The following NOL4L variants were observed in gnomAD, a reference collection of about 807,000 sequenced individuals.
NOL4L encodes nucleolar protein 4 like, also known as nucleolar protein 4-like.
A neutral mutation model predicts 64.5 loss-of-function variants in NOL4L; 7 were observed. That is an observed-to-expected ratio of 0.11 (90% CI 0.06 to 0.20). The LOEUF (loss-of-function observed/expected upper bound fraction) is 0.20. Ranked by LOEUF, NOL4L falls within the 10% of genes least tolerant of loss-of-function variation. The pLI, the probability that NOL4L is intolerant of heterozygous loss-of-function variation, is 1.00. For missense variants in NOL4L, 680 were observed against 967.1 expected, an observed-to-expected ratio of 0.70 and a Z score of 3.94; for synonymous variants, 413 against 401.0, an observed-to-expected ratio of 1.03 and a Z score of -0.36.
At chr20:32,554,520 T>A (rs1429110165) in intron 1 of NOL4L, among the ~76,000 whole-genome samples, 1 of 151,904 alleles carries the variant, frequency 6.6e-6, no homozygotes, top group Non-Finnish European at 1.5e-5. Context: ...AAGGACAATG[T>A]TGTGTGGGGG....
In NOL4L at chr20:32,456,155, C is replaced by T. The variant is rs184584122; in HGVS notation, c.1082G>A (p.Arg361Gln). The T allele has an allele frequency of 2.2e-5, 34 of 1,567,948 alleles. No homozygotes were observed. In the East Asian group the frequency reaches 2.6e-4, roughly 12 times the overall value. The change falls in exon 6 of 11, where the codon CGG becomes CAG. Residue 361 changes from arginine to glutamine, a missense_variant. Physicochemically the swap from Arg to Gln is conservative, Grantham distance 43. Coordinates refer to ENST00000621426, the MANE Select transcript of NOL4L (RefSeq NM_001256798.2). The part of the protein sequence containing the change: ...PSDGCGADGL[R>Q]SRVKYGVKTT... ...CTTCACCCCGTATTTGACGCGGCTC[C>T]GCAGCCCGTCGGCACCGCAGCCATC... is the stretch of plus-strand genomic sequence containing the variant.
intron 3 of NOL4L, among the ~76,000 whole-genome samples, chr20:32,513,032 C>T (rs1027520793): frequency 6.6e-6 from 1 of 152,214 alleles, no homozygotes. Context: ...TGTTACCTGG[C>T]CTCCTCCTCC....
rs1980815770 is a variant in NOL4L, at chr20:32,585,312, T to C, written c.-422A>G. ...GCGGGCGGCAGCAGTGGCTGTCAGC[T>C]TGCGCGGCTCATCCTGCTCTTGCTC... is the stretch of plus-strand genomic sequence containing the variant. On this transcript the variant is annotated 5_prime_UTR_variant, in exon 1 of 11. Transcript: ENST00000621426. Among the ~76,000 whole-genome samples the C allele has an allele frequency of 6.7e-6, 1 of 148,796 alleles. No individual in the cohort carries two copies. Among genetic ancestry groups the C allele is most frequent in the African/African-American group, 2.4e-5 (1 of 40,948 alleles).
At chr20:32,465,088 C>A in intron 5 of NOL4L, 1 of 574,602 alleles carries the variant, frequency 1.7e-6, no homozygotes. Flanking sequence ...ATGTTCAGGC[C>A]TTGGGACAGG....
At chr20:32,537,055 T>C in intron 1 of NOL4L, 1 of 981,310 alleles carries the variant, frequency 1.0e-6, no homozygotes, top group African/African-American at 1.8e-5. Context: ...GCACCTGCCC[T>C]GCCCCGCCCC....
chr20:32,503,332 A>G (rs896856980), intron 4 of NOL4L, among the ~76,000 whole-genome samples: 1 of 152,200 alleles, frequency 6.6e-6, no homozygotes, highest in African/African-American at 2.4e-5. Context: ...CAGCTCAGCT[A>G]CACAACAAGA....
chr20:32,465,961 G>A (rs2014510902), intron 5 of NOL4L, among the ~76,000 whole-genome samples: 1 of 151,564 alleles, frequency 6.6e-6, no homozygotes. Context: ...ACTGGGCCAG[G>A]CTCACCTTCA....
intron 1 of NOL4L, chr20:32,537,186 CACAG>C (rs1338519604): frequency 2.3e-6 from 2 of 887,720 alleles, no homozygotes; most frequent in Non-Finnish European, 2.7e-6. Flanking sequence ...CCGTAGTCCT[CACAG>C]ACCCTCCGCG....
chr20:32,496,476 C>T (rs1027559500), intron 4 of NOL4L, among the ~76,000 whole-genome samples: 4 of 152,118 alleles, frequency 2.6e-5, no homozygotes, highest in African/African-American at 4.8e-5. Flanking sequence ...TGGTATCTTC[C>T]GTGCTTGGAA....
intron 1 of NOL4L, among the ~76,000 whole-genome samples, chr20:32,541,006 C>T (rs1285971259): frequency 3.4e-5 from 4 of 119,110 alleles, no homozygotes; most frequent in Non-Finnish European, 6.8e-5. Context: ...CTCGCCACCC[C>T]CTACACACAC....
At chr20:32,528,286 G>A (rs992054174) in intron 1 of NOL4L, among the ~76,000 whole-genome samples, 3 of 152,164 alleles carry the variant, frequency 2.0e-5, no homozygotes, top group Admixed American at 6.5e-5. Flanking sequence ...AAATAGATGC[G>A]GCCCCATCAG....
At chr20:32,471,811 C>CCTCCCTCTCTCTTG (rs2015041353) in intron 5 of NOL4L, among the ~76,000 whole-genome samples, 1 of 152,004 alleles carries the variant, frequency 6.6e-6, no homozygotes, top group Non-Finnish European at 1.5e-5. Flanking sequence ...CCTGGTACCT[C>CCTCCCTCTCTCTTG]CTCCCTCTCT....
At chr20:32,494,450 TCTTCCTCCCCA>T (rs1232229746) in intron 4 of NOL4L, among the ~76,000 whole-genome samples, 1 of 151,948 alleles carries the variant, frequency 6.6e-6, no homozygotes, top group African/African-American at 2.4e-5. Flanking sequence ...TCTCCTCTCT[TCTTCCTCCCCA>T]CTTTCCCCGT....
intron 5 of NOL4L, among the ~76,000 whole-genome samples, chr20:32,469,748 G>A (rs1387860139): frequency 1.3e-5 from 2 of 152,208 alleles, no homozygotes; most frequent in Non-Finnish European, 2.9e-5. Flanking sequence ...ACAAAGATGT[G>A]GCTCCTGCCC....
intron 1 of NOL4L, chr20:32,564,857 C>T (rs1200605906): frequency 6.6e-6 from 1 of 152,312 alleles, no homozygotes; most frequent in Non-Finnish European, 1.5e-5. Context: ...TGAGATGAGG[C>T]TCAGGCTGCA....
intron 1 of NOL4L, among the ~76,000 whole-genome samples, chr20:32,574,285 C>G (rs527913368): frequency 6.6e-6 from 1 of 152,342 alleles, no homozygotes; most frequent in East Asian, 1.9e-4. Context: ...ACGAGTTAAA[C>G]ATTTCACATG....
chr20:32,486,927 C>G (rs1429327722), intron 4 of NOL4L: 1 of 355,052 alleles, frequency 2.8e-6, no homozygotes, highest in East Asian at 7.9e-5. Flanking sequence ...GTCTTGGACT[C>G]TACAAAACAT....
chr20:32,548,129 T>A (rs1406252749), intron 1 of NOL4L, among the ~76,000 whole-genome samples: 1 of 152,202 alleles, frequency 6.6e-6, no homozygotes, highest in African/African-American at 2.4e-5. Context: ...GTTTTACAGA[T>A]GAGGAAACTT....
In NOL4L at chr20:32,464,372, A is replaced by T. The variant is rs1287352052; in HGVS notation, c.842-7977T>A. Among the ~76,000 whole-genome samples the T allele has an allele frequency of 1.3e-5, 2 of 152,210 alleles. No individual in the cohort carries two copies. The highest frequency in any genetic ancestry group is 2.9e-5 in the Non-Finnish European group (2 of 68,028). On this transcript the variant is annotated intron_variant, in intron 5 of 10. Transcript: ENST00000621426. This position sits in a 1 kb window ranked among gnomAD's most constrained non-coding sequence, Gnocchi z 5.6. ...CCTACCATCCGGGTGATGGGGCCAC[A>T]CGGGGCACCTGCATTCTCCACGTGG...
Sources: allele counts gnomAD v4.1 joint callset (sites outside exome capture counted in the v4.1 genomes callset), GRCh38; gene constraint gnomAD v4.1.1; non-coding constraint Gnocchi (gnomAD v3.1); transcripts MANE v1.5; gene names NCBI Gene and HGNC (gene_info 2026-07-23, HGNC 2026-07-21).